The following MAP3K15 variants were observed in gnomAD, a reference collection of about 807,000 sequenced individuals.
The protein encoded by MAP3K15 is mitogen-activated protein kinase kinase kinase 15.
MAP3K15 carries 124 observed loss-of-function variants against 99.5 expected under a neutral mutation model. The observed-to-expected ratio is 1.25, with a 90% CI of 1.08 to 1.45. The LOEUF (loss-of-function observed/expected upper bound fraction) is 1.45, where lower values mean the gene tolerates loss of function less well. Among genes scored for constraint, MAP3K15 ranks in the 40% most tolerant of loss-of-function variants. MAP3K15 has a pLI of 0.00. For synonymous variants in MAP3K15, 494 were observed against 439.6 expected (o/e 1.12, Z -1.55); for missense variants, 1,242 against 1,079.7 (o/e 1.15, Z -2.11).
chrX:19,480,429 G>T (rs2064280210), intron 3 of MAP3K15, among the ~76,000 whole-genome samples: 1 of 111,237 alleles, frequency 9.0e-6, no homozygotes, highest in South Asian at 3.8e-4. Context: ...GCAGTGAGCT[G>T]TGATTGCACT....
chrX:19,439,466 T>C (rs986289065), intron 6 of MAP3K15, among the ~76,000 whole-genome samples: 4 of 110,968 alleles, frequency 3.6e-5, no homozygotes, highest in African/African-American at 1.3e-4. Context: ...AAATTTTAGT[T>C]TATTGTATGG....
chrX:19,436,776 G>C (rs1431332833), intron 6 of MAP3K15, among the ~76,000 whole-genome samples: 1 of 111,491 alleles, frequency 9.0e-6, no homozygotes, highest in Non-Finnish European at 1.9e-5. Context: ...CTCACAGGCT[G>C]AAGCGACTCT....
intron 6 of MAP3K15, among the ~76,000 whole-genome samples, chrX:19,441,315 G>T (rs2063958163): frequency 9.1e-6 from 1 of 109,566 alleles, no homozygotes; most frequent in Admixed American, 9.8e-5. Context: ...GAATAGGGGG[G>T]GAAGAATTGA....
intron 4 of MAP3K15, among the ~76,000 whole-genome samples, chrX:19,463,149 G>C (rs1282008985): frequency 8.9e-6 from 1 of 112,169 alleles, no homozygotes; most frequent in Non-Finnish European, 1.9e-5. Context: ...AGGTTTTCCA[G>C]GAATGTGCCA....
Position 19,380,105 on chromosome X carries a change from C to T in MAP3K15, c.2589+15G>A, listed in dbSNP as rs777255698. ...TCCCAACCACGCCCAACCTCAATCA[C>T]GAAGCATGACTTACTTTGAACATGG... On this transcript the variant is annotated intron_variant, in intron 19 of 28. Transcript: ENST00000338883. 7 of 1,165,635 alleles carry T rather than the reference C, an allele frequency of 6.0e-6. No homozygotes were observed. Among genetic ancestry groups the T allele is most frequent in the African/African-American group, 5.4e-5 (3 of 55,328 alleles).
intron 11 of MAP3K15, 46 bp downstream of exon 11, chrX:19,413,311 T>G: frequency 2.0e-6 from 2 of 1,008,147 alleles, no homozygotes; most frequent in Non-Finnish European, 2.8e-6. Flanking sequence ...ATCTAGACTC[T>G]CCTATTTGAA....
chrX:19,490,767 A>T (rs112141966), intron 1 of MAP3K15, among the ~76,000 whole-genome samples: 19,506 of 109,120 alleles, frequency 0.18, 1,435 homozygotes, highest in African/African-American at 0.23. Flanking sequence ...AAAAAAAAAA[A>T]AAAATAAAAT....
intron 6 of MAP3K15, among the ~76,000 whole-genome samples, chrX:19,433,299 A>T (rs1183596990): frequency 2.7e-5 from 3 of 111,793 alleles, no homozygotes; most frequent in Non-Finnish European, 5.6e-5. Flanking sequence ...TAAGATTAGC[A>T]TCTGAATCAA....
At chrX:19,435,676 T>C (rs2063916239) in intron 6 of MAP3K15, among the ~76,000 whole-genome samples, 2 of 112,468 alleles carry the variant, frequency 1.8e-5, no homozygotes, top group East Asian at 2.8e-4. Context: ...ATCCCTTTAG[T>C]GGTTAATAAT....
Position 19,369,131 on chromosome X carries a change from G to C in MAP3K15, c.3489C>G (p.Thr1163=). Residue 1163 remains threonine (T), a synonymous_variant, in exon 25 of 29, where the codon ACC becomes ACG. Coordinates refer to ENST00000338883, the MANE Select transcript of MAP3K15 (RefSeq NM_001001671.4). Reference sequence around the variant, plus strand: ...GGGGCTGGGCCTCCTGGCCAGGTCCGGTGGCTGGGGGATAGCCCTCTTCCG... The same window carrying C: ...GGGGCTGGGCCTCCTGGCCAGGTCCCGTGGCTGGGGGATAGCCCTCTTCCG... ...DEAEEGYPPA[T]GPGQEAQPHQ... is the part of the protein sequence containing the mutation. 1 of 1,210,521 alleles carries C rather than the reference G, an allele frequency of 8.3e-7. No homozygotes were observed. Among genetic ancestry groups the C allele is most frequent in the Non-Finnish European group, 1.1e-6 (1 of 895,082 alleles).
intron 24 of MAP3K15, among the ~76,000 whole-genome samples, chrX:19,369,744 G>A (rs182439427): frequency 1.0e-4 from 11 of 108,850 alleles, no homozygotes; most frequent in Non-Finnish European, 2.1e-4. Context: ...GTGAAACCCC[G>A]TCTCTACTAA....
rs750784800 is a variant in MAP3K15 at position 19,392,387 on chromosome X, G to C, written c.2281C>G (p.Leu761Val). Residue 761 changes from leucine (L) to valine (V), a missense_variant, in exon 17 of 29, where the codon CTT becomes GTT. Coordinates refer to ENST00000338883, the MANE Select transcript of MAP3K15 (RefSeq NM_001001671.4). Reference sequence around the variant, plus strand: ...ATCTGGTTTTCATGAAGATACTTAAGGCCCTCCAGGATCTGTTTGGTGTAA... The same window carrying C: ...ATCTGGTTTTCATGAAGATACTTAACGCCCTCCAGGATCTGTTTGGTGTAA... The part of the protein sequence containing the change: ...KFYTKQILEG[L>V]KYLHENQIVH... The C allele has an allele frequency of 1.6e-5, 19 of 1,210,007 alleles. No homozygotes were observed. The South Asian group carries it at 2.8e-4, about 18-fold the overall frequency.
chrX:19,485,290 C>G (rs780240162), intron 3 of MAP3K15, among the ~76,000 whole-genome samples: 1 of 73,083 alleles, frequency 1.4e-5, no homozygotes, highest in African/African-American at 5.7e-5. Flanking sequence ...GCCTGGCTGA[C>G]AGAGCGAGAC....
Position 19,514,937 on chromosome X carries a change from C to T in MAP3K15, c.325G>A (p.Gly109Arg). 1 of 1,148,688 alleles carries T rather than the reference C, an allele frequency of 8.7e-7. No homozygotes were observed. The highest frequency in any genetic ancestry group is 1.2e-6 in the Non-Finnish European group (1 of 868,837). The allele number at this position is 1,148,688 out of a possible 1,213,427, so 94.7% of individuals were successfully genotyped here. A position where few individuals can be genotyped will look rare whatever the true frequency, so the allele number is the denominator to read the frequency against. Residue 109 changes from glycine to arginine, a missense_variant, in exon 1 of 29, where the codon GGG (glycine) becomes AGG (arginine). By Grantham distance (125) the Gly-to-Arg change is moderately radical (BLOSUM62 -2). Transcript: ENST00000338883. ...TSVPFGELDF[G>R]ETAVLDAFYD... ...AAGGCGTCGAGCACGGCCGTCTCCC[C>T]GAAGTCCAGCTCCCCGAAGGGCACG...
chrX:19,502,505 G>A (rs1392332472), intron 1 of MAP3K15, among the ~76,000 whole-genome samples: 1 of 111,435 alleles, frequency 9.0e-6, no homozygotes, highest in Non-Finnish European at 1.9e-5. Context: ...CCCCAGCCAT[G>A]CTAAACTGTG....
intron 3 of MAP3K15, among the ~76,000 whole-genome samples, chrX:19,470,027 T>C (rs1364415303): frequency 2.7e-5 from 3 of 111,393 alleles, no homozygotes; most frequent in African/African-American, 9.8e-5. Context: ...GAAATACCAT[T>C]TGACCCAGCC....
intron 13 of MAP3K15, among the ~76,000 whole-genome samples, chrX:19,405,336 T>C (rs1313371229): frequency 9.0e-6 from 1 of 111,729 alleles, no homozygotes; most frequent in Non-Finnish European, 1.9e-5. Context: ...CACAACATCA[T>C]TTCTGTGATA....
rs183865415 is a variant in MAP3K15 at position 19,372,963 on chromosome X, C to G, written c.2934-136G>C. 22 of 546,443 alleles carry G rather than the reference C, an allele frequency of 4.0e-5. No homozygotes were observed. The Admixed American group carries it at 5.3e-4, about 13-fold the overall frequency. 45.0% of individuals were successfully genotyped at this position (546,443 alleles called of 1,213,427 possible). On this transcript the variant is annotated intron_variant, in intron 21 of 28. Transcript: ENST00000338883. ...CCTGTGCTCAAGAAGATGAAATTGCCGGAGGAAGGACAGACATGCAGTGTT... is the reference window on the plus strand; with the variant it reads ...CCTGTGCTCAAGAAGATGAAATTGCGGGAGGAAGGACAGACATGCAGTGTT...
intron 3 of MAP3K15, chrX:19,481,750 T>C (rs1482779595): frequency 8.9e-6 from 1 of 111,789 alleles, no homozygotes; most frequent in Non-Finnish European, 1.9e-5. Context: ...CTCACTAGAA[T>C]GGCTATAATA....
Sources: allele counts gnomAD v4.1 joint callset (sites outside exome capture counted in the v4.1 genomes callset), GRCh38; gene constraint gnomAD v4.1.1; transcripts MANE v1.5; gene names NCBI Gene and HGNC (gene_info 2026-07-23, HGNC 2026-07-21).